The following BMP8B variants were observed in gnomAD, a reference collection of about 807,000 sequenced individuals.
The protein encoded by BMP8B is bone morphogenetic protein 8 (osteogenic protein 2).
Under a neutral mutation model 30.3 loss-of-function variants are expected in BMP8B, and 17 were observed. The observed-to-expected ratio is 0.56, with a 90% CI of 0.38 to 0.84. The LOEUF (loss-of-function observed/expected upper bound fraction) is 0.84. BMP8B is among the 40% of genes least tolerant of loss of function. BMP8B has a pLI of 0.00. For missense variants in BMP8B, 253 were observed against 494.6 expected, an observed-to-expected ratio of 0.51 and a Z score of 4.63; for synonymous variants, 131 against 214.7, an observed-to-expected ratio of 0.61 and a Z score of 3.41.
At chr1:39,780,479 T>C (rs1569853689) in intron 1 of BMP8B, among the ~76,000 whole-genome samples, 1 of 152,230 alleles carries the variant, frequency 6.6e-6, no homozygotes, top group African/African-American at 2.4e-5. Flanking sequence ...ACTAGAACGC[T>C]GAACTCTGAA....
intron 6 of BMP8B, among the ~76,000 whole-genome samples, chr1:39,761,738 T>C (rs766193914): frequency 5.9e-5 from 9 of 152,178 alleles, no homozygotes; most frequent in South Asian, 2.1e-4. Context: ...AGCTGCTGAC[T>C]GGCCCCCTCC....
intron 6 of BMP8B, among the ~76,000 whole-genome samples, chr1:39,762,043 A>G (rs1046708329): frequency 2.0e-5 from 3 of 152,184 alleles, no homozygotes; most frequent in Non-Finnish European, 2.9e-5. Context: ...ACACGGCATA[A>G]AGGGTGGCTG....
At position 39,762,466 on chromosome 1, in the gene BMP8B, A is replaced by G. The variant is rs1649124188; in HGVS notation, c.1059+626T>C. Reference sequence around the variant, plus strand: ...AATCCACAAACACACAGAGCACTCAACAGTGAGCAGCACCAGTGATCCCAT... The same window carrying G: ...AATCCACAAACACACAGAGCACTCAGCAGTGAGCAGCACCAGTGATCCCAT... On this transcript the variant is annotated intron_variant, in intron 6 of 6. Coordinates refer to ENST00000372827, the MANE Select transcript of BMP8B (RefSeq NM_001720.5). The G allele has an allele frequency of 2.0e-6, 3 of 1,521,224 alleles. No individual in the cohort carries two copies. In the South Asian group the frequency reaches 3.8e-5, roughly 19 times the overall value. 94.2% of individuals were successfully genotyped at this position (1,521,224 alleles called of 1,614,324 possible). A position where few individuals can be genotyped will look rare whatever the true frequency, so the allele number is the denominator to read the frequency against.
chr1:39,760,236 T>C lies in BMP8B; in HGVS notation c.*183A>G. On this transcript the variant is annotated 3_prime_UTR_variant, in exon 7 of 7. Coordinates refer to ENST00000372827, the MANE Select transcript of BMP8B (RefSeq NM_001720.5). ...GCTGGAAACAGGACAGTCACACAAATGCCTGGCAGGGCAAGGGGAGCATAG... is the reference window on the plus strand; with the variant it reads ...GCTGGAAACAGGACAGTCACACAAACGCCTGGCAGGGCAAGGGGAGCATAG... The C allele has an allele frequency of 9.5e-7, 1 of 1,047,528 alleles. No homozygotes were observed. The highest frequency in any genetic ancestry group is 1.3e-6 in the Non-Finnish European group (1 of 744,744). The allele number at this position is 1,047,528 out of a possible 1,614,324, so 64.9% of individuals were successfully genotyped here.
intron 1 of BMP8B, among the ~76,000 whole-genome samples, chr1:39,775,261 C>T (rs898397726): frequency 4.6e-5 from 7 of 152,160 alleles, no homozygotes; most frequent in Admixed American, 1.3e-4. Context: ...CACCCTGAGC[C>T]CCGCAGCTGG....
At chr1:39,773,048 C>CA (rs1650060886) in intron 3 of BMP8B, among the ~76,000 whole-genome samples, 1 of 31,390 alleles carries the variant, frequency 3.2e-5, no homozygotes, top group African/African-American at 1.0e-4. Flanking sequence ...AACCCTGTCT[C>CA]AAAGAAAAAA....
chr1:39,779,344 C>T lies in BMP8B; in HGVS notation c.335-4306G>A, dbSNP rs757283565. Among the ~76,000 whole-genome samples, 40 of 152,210 alleles carry T rather than the reference C, an allele frequency of 2.6e-4. No individual in the cohort carries two copies. In the Middle Eastern group the frequency reaches 0.014, roughly 52 times the overall value. ...TCCCTGCTCTTGGCACTCGCTGCCT[C>T]CTGCTGGGTTCCTCTTTCCCTCAAT... On this transcript the variant is annotated intron_variant, in intron 1 of 6. Coordinates refer to ENST00000372827, the MANE Select transcript of BMP8B (RefSeq NM_001720.5).
rs895515793 is a variant in BMP8B, at chr1:39,788,422, C to T, written c.64G>A (p.Gly22Ser). 1.9e-6 allele frequency: 2 copies of T among 1,043,602 alleles called. No homozygotes were observed. The highest frequency in any genetic ancestry group is 2.3e-6 in the Non-Finnish European group (2 of 869,326). The allele number at this position is 1,043,602 out of a possible 1,614,324, so 64.6% of individuals were successfully genotyped here. The change falls in exon 1 of 7, where the codon GGC becomes AGC. Residue 22 changes from glycine to serine, a missense_variant. This residue lies in a region of BMP8B where 54 missense variants were observed against 70.8 expected (regional missense o/e 0.76). Transcript: ENST00000372827. The surrounding 1 kb of genome is among the most constrained non-coding windows in gnomAD (Gnocchi z 5.8). The stretch of plus-strand genomic sequence containing the variant: ...CCGGGCGGGGGTCGCAGGCCGGGGC[C>T]GCCCCCGCCCAGCGCGCATAGCGCC... ...GLALCALGGG[G>S]PGLRPPPGCP...
At chr1:39,762,299 T>C (rs577933437) in intron 6 of BMP8B, 1 of 502,458 alleles carries the variant, frequency 2.0e-6, no homozygotes, top group Non-Finnish European at 3.5e-6. Context: ...ACTTCTGGGC[T>C]CGTGTGCTGC....
chr1:39,787,039 C>T (rs1387629971), intron 1 of BMP8B, among the ~76,000 whole-genome samples: 1 of 152,228 alleles, frequency 6.6e-6, no homozygotes, highest in Admixed American at 6.5e-5. Context: ...CTCTTTGAGC[C>T]CTGGATGGAC....
At chr1:39,782,033 G>C (rs1163131225) in intron 1 of BMP8B, among the ~76,000 whole-genome samples, 3 of 151,894 alleles carry the variant, frequency 2.0e-5, no homozygotes, top group African/African-American at 7.3e-5. Context: ...GCGGGTGCCT[G>C]TAATCCCAGC....
intron 1 of BMP8B, among the ~76,000 whole-genome samples, chr1:39,783,662 C>G (rs1197016949): frequency 6.6e-6 from 1 of 152,178 alleles, no homozygotes; most frequent in Non-Finnish European, 1.5e-5. Context: ...AATCCCAGCA[C>G]TTTGGGAGGC....
chr1:39,780,294 T>C (rs1032325485), intron 1 of BMP8B, among the ~76,000 whole-genome samples: 3 of 152,182 alleles, frequency 2.0e-5, no homozygotes, highest in Non-Finnish European at 4.4e-5. Context: ...AGGTTATAGA[T>C]GAGAGCACTA....
rs1464289767 is a variant in BMP8B, at chr1:39,758,809, G to T, written c.*1610C>A. On this transcript the variant is annotated 3_prime_UTR_variant, in exon 7 of 7. Coordinates refer to ENST00000372827, the MANE Select transcript of BMP8B (RefSeq NM_001720.5). ...GGGCTGCCCTTTGCGTACATGGGAG[G>T]GTCTCTTCCTCTGCGCTTGCACATG... The T allele has an allele frequency of 6.6e-6, 1 of 152,232 alleles. No individual in the cohort carries two copies. The highest frequency in any genetic ancestry group is 6.5e-5 in the Admixed American group (1 of 15,278). The allele number at this position is 152,232 out of a possible 1,614,324, so 9.4% of individuals were successfully genotyped here.
rs1648441940 is a variant in BMP8B at position 39,757,745 on chromosome 1, G to T, written c.*2674C>A. 6.6e-6 allele frequency: 1 copy of T among 152,250 alleles called. No homozygotes were observed. Among genetic ancestry groups the T allele is most frequent in the Admixed American group, 6.5e-5 (1 of 15,288 alleles). The allele number at this position is 152,250 out of a possible 1,614,324, so 9.4% of individuals were successfully genotyped here. On this transcript the variant is annotated 3_prime_UTR_variant, in exon 7 of 7. Transcript: ENST00000372827. ...GGAAATGGTGGTATCTGTGCTGCCA[G>T]CCTGGGCCACCCACTGCAGATGCAC...
chr1:39,779,154 A>G (rs989180077), intron 1 of BMP8B, among the ~76,000 whole-genome samples: 2 of 152,172 alleles, frequency 1.3e-5, no homozygotes, highest in African/African-American at 4.8e-5. Flanking sequence ...CCTCCTATCA[A>G]CAGACACCCG....
At chr1:39,781,984 C>T (rs72665292) in intron 1 of BMP8B, among the ~76,000 whole-genome samples, 22,365 of 151,904 alleles carry the variant, frequency 0.15, 1,784 homozygotes, top group South Asian at 0.2. Flanking sequence ...TGATGAAACC[C>T]CATCTCTACT....
chr1:39,764,117 C>T (rs1261914158), intron 4 of BMP8B, among the ~76,000 whole-genome samples: 1 of 151,890 alleles, frequency 6.6e-6, no homozygotes, highest in African/African-American at 2.4e-5. Context: ...ACCCCTGTGA[C>T]TCCAGCCCAC....
At position 39,775,474 on chromosome 1, in the gene BMP8B, C is replaced by T. The variant is rs549450507; in HGVS notation, c.335-436G>A. Among the ~76,000 whole-genome samples, 212 of 152,294 alleles carry T rather than the reference C, an allele frequency of 1.4e-3. 1 individual carries two copies. Among genetic ancestry groups the T allele is most frequent in the African/African-American group, 4.9e-3 (203 of 41,556 alleles). On this transcript the variant is annotated intron_variant, in intron 1 of 6. Transcript: ENST00000372827. The stretch of plus-strand genomic sequence containing the variant: ...GAAACCTGGTAGACAGGAACATAAC[C>T]GACATAACTGACGGCATCTCAGGGG...
Sources: gnomAD v4.1 joint callset for allele counts (sites outside exome capture counted in the v4.1 genomes callset) on GRCh38, gnomAD v4.1.1 for gene constraint, gnomAD v4.1.1 regional missense constraint, Gnocchi (gnomAD v3.1) non-coding constraint, MANE v1.5 for transcripts, NCBI Gene and HGNC (gene_info 2026-07-23, HGNC 2026-07-21) for gene names.